Variants in NF1 observed in about 807,000 individuals in gnomAD.
NF1 encodes neurofibromin.
In NF1, 122 loss-of-function variants were observed where a neutral mutation model predicts 325.7. That is an observed-to-expected ratio of 0.37 (90% CI 0.32 to 0.44). The LOEUF (loss-of-function observed/expected upper bound fraction) is 0.44, where lower values mean the gene tolerates loss of function less well. NF1 is among the 20% of genes least tolerant of loss of function. NF1 has a pLI of 1.00. For synonymous variants in NF1, 1,091 were observed against 1,186.0 expected (o/e 0.92, Z 1.65); for missense variants, 2,140 against 3,415.4 (o/e 0.63, Z 9.31).
chr17:31,351,387 CA>C (rs1382253252), intron 50 of NF1, among the ~76,000 whole-genome samples: 1 of 152,182 alleles, frequency 6.6e-6, no homozygotes, highest in Admixed American at 6.5e-5. Context: ...AGCCATTCTA[CA>C]ATGTAAACAT....
intron 29 of NF1, among the ~76,000 whole-genome samples, chr17:31,236,812 C>T (rs2067212294): frequency 6.6e-6 from 1 of 152,078 alleles, no homozygotes; most frequent in Non-Finnish European, 1.5e-5. Context: ...AGGTACTACC[C>T]ACGAACAAAG....
intron 4 of NF1, among the ~76,000 whole-genome samples, chr17:31,168,642 G>T (rs1027915914): frequency 6.6e-6 from 1 of 151,894 alleles, no homozygotes; most frequent in African/African-American, 2.4e-5. Context: ...CATTTGGCTG[G>T]GGGGGGACAA....
rs1349575030 is a variant in NF1, at chr17:31,235,997, T to A, written c.3950T>A (p.Val1317Asp). ...ATCACATCCTCTGATTGGCAACATG[T>A]TAGCTTTGAAGTGGATCCTACCAGG... ...IVITSSDWQH[V>D]SFEVDPTRLE... The change falls in exon 29 of 58, where the codon GTT becomes GAT. Residue 1317 changes from valine (V) to aspartate (D), a missense_variant. Coordinates refer to ENST00000358273, the MANE Select transcript of NF1 (RefSeq NM_001042492.3). 6.2e-7 allele frequency: 1 copy of A among 1,614,052 alleles called. No homozygotes were observed. The highest frequency in any genetic ancestry group is 8.5e-7 in the Non-Finnish European group (1 of 1,179,948).
At chr17:31,304,076 A>AGAT in intron 36 of NF1, 1 of 526,406 alleles carries the variant, frequency 1.9e-6, no homozygotes, top group South Asian at 2.9e-5. Context: ...ATTAGTAAAT[A>AGAT]GATTACTGTT....
At chr17:31,323,407 A>G (rs1441525204) in intron 36 of NF1, among the ~76,000 whole-genome samples, 1 of 151,922 alleles carries the variant, frequency 6.6e-6, no homozygotes, top group Admixed American at 6.6e-5. Flanking sequence ...GGAAAAAAAA[A>G]AAAGATAAAA....
At chr17:31,308,578 A>AT (rs1438924630) in intron 36 of NF1, among the ~76,000 whole-genome samples, 1 of 151,646 alleles carries the variant, frequency 6.6e-6, no homozygotes, top group African/African-American at 2.4e-5. Flanking sequence ...TAAACACACG[A>AT]TTTTTCCCTG....
intron 5 of NF1, among the ~76,000 whole-genome samples, chr17:31,175,546 C>CT (rs1335415278): frequency 6.6e-6 from 1 of 152,006 alleles, no homozygotes; most frequent in Non-Finnish European, 1.5e-5. Flanking sequence ...TTTAATTATA[C>CT]TTTAAGTTCT....
chr17:31,360,276 G>T, intron 56 of NF1: 1 of 576,808 alleles, frequency 1.7e-6, no homozygotes, highest in Non-Finnish European at 3.1e-6. Context: ...AGAAAATGCA[G>T]GTTCATCTGG....
intron 1 of NF1, 43 bp downstream of exon 1, chr17:31,095,412 G>T (rs1434517086): frequency 1.3e-6 from 2 of 1,528,622 alleles, no homozygotes; most frequent in Non-Finnish European, 1.8e-6. Flanking sequence ...CGGAGTGGGG[G>T]TGGGGACAGA....
intron 7 of NF1, 76 bp from the exon 8 acceptor site, chr17:31,182,432 A>G: frequency 1.4e-6 from 2 of 1,451,966 alleles, no homozygotes; most frequent in African/African-American, 1.4e-5. Context: ...GGGTTTTTAC[A>G]TAGTGTCAGC....
intron 39 of NF1, among the ~76,000 whole-genome samples, chr17:31,334,322 G>A (rs10445402): frequency 6.6e-6 from 1 of 151,734 alleles, no homozygotes; most frequent in Non-Finnish European, 1.5e-5. Flanking sequence ...AATAATCTCA[G>A]TATAATCACT....
intron 1 of NF1, among the ~76,000 whole-genome samples, chr17:31,109,508 C>T (rs867104366): frequency 2.6e-5 from 4 of 151,898 alleles, no homozygotes; most frequent in Middle Eastern, 3.4e-3. Flanking sequence ...CTCAGTCTTT[C>T]GAGTAGCTGG....
chr17:31,196,800 TTCTC>T, intron 8 of NF1, among the ~76,000 whole-genome samples: 1 of 152,274 alleles, frequency 6.6e-6, no homozygotes, highest in South Asian at 2.1e-4. Flanking sequence ...AGACCATCCT[TTCTC>T]TATTGAATGG....
chr17:31,310,383 T>C (rs2068837679), intron 36 of NF1, among the ~76,000 whole-genome samples: 1 of 150,602 alleles, frequency 6.6e-6, no homozygotes, highest in Non-Finnish European at 1.5e-5. Flanking sequence ...GTTATATAAT[T>C]AGCAAGAAGG....
chr17:31,170,682 G>A (rs1239104529), intron 5 of NF1, among the ~76,000 whole-genome samples: 1 of 152,136 alleles, frequency 6.6e-6, no homozygotes, highest in African/African-American at 2.4e-5. Flanking sequence ...AGTAAGCAGT[G>A]ATGTGTTAAT....
chr17:31,357,552 T>C, intron 54 of NF1, 183 bp downstream of exon 54: 2 of 616,162 alleles, frequency 3.2e-6, no homozygotes, highest in South Asian at 3.9e-5. Context: ...TATTAGAAAG[T>C]TTATAAGGAA....
intron 36 of NF1, among the ~76,000 whole-genome samples, chr17:31,292,334 T>C (rs1385894380): frequency 6.6e-6 from 1 of 152,220 alleles, no homozygotes; most frequent in Non-Finnish European, 1.5e-5. Flanking sequence ...GAGCCAGGAA[T>C]ATAGTAATAC....
At chr17:31,269,003 G>A (rs2151473987) in intron 36 of NF1, among the ~76,000 whole-genome samples, 1 of 152,122 alleles carries the variant, frequency 6.6e-6, no homozygotes, top group African/African-American at 2.4e-5. Flanking sequence ...ACCACACCTG[G>A]CCTAATTTTT....
chr17:31,120,092 G>T (rs1225322414), intron 1 of NF1, among the ~76,000 whole-genome samples: 1 of 152,090 alleles, frequency 6.6e-6, no homozygotes, highest in African/African-American at 2.4e-5. Flanking sequence ...TGGCTCTACG[G>T]GCTCTTTTTT....
Sources: allele counts gnomAD v4.1 joint callset (sites outside exome capture counted in the v4.1 genomes callset), GRCh38; gene constraint gnomAD v4.1.1; transcripts MANE v1.5; gene names NCBI Gene and HGNC (gene_info 2026-07-23, HGNC 2026-07-21).